Variants in TMEM232 observed in about 807,000 individuals in gnomAD.
The protein encoded by TMEM232 is transmembrane protein 232.
In TMEM232, 80 loss-of-function variants were observed where a neutral mutation model predicts 78.8. The observed-to-expected ratio is 1.01, with a 90% CI of 0.85 to 1.22. The LOEUF (loss-of-function observed/expected upper bound fraction) is 1.22. Among genes scored for constraint, TMEM232 ranks in the 50% most tolerant of loss-of-function variants. The pLI is 0.00. For missense variants in TMEM232, 881 were observed against 742.2 expected, an observed-to-expected ratio of 1.19 and a Z score of -2.17; for synonymous variants, 297 against 254.3, an observed-to-expected ratio of 1.17 and a Z score of -1.60.
intron 12 of TMEM232, among the ~76,000 whole-genome samples, chr5:110,469,952 G>GAGTC (rs1347687165): frequency 1.3e-5 from 2 of 152,092 alleles, no homozygotes; most frequent in African/African-American, 4.8e-5. Flanking sequence ...CCAAAGAGTG[G>GAGTC]AGTCATTACT....
intron 12 of TMEM232, among the ~76,000 whole-genome samples, chr5:110,503,357 A>AATTT (rs1439243822): frequency 1.3e-5 from 2 of 152,136 alleles, no homozygotes; most frequent in African/African-American, 4.8e-5. Flanking sequence ...TCCAAGAATG[A>AATTT]ATTTTCAATT....
intron 2 of TMEM232, among the ~76,000 whole-genome samples, chr5:110,403,756 A>G (rs937688581): frequency 8.5e-5 from 13 of 152,112 alleles, no homozygotes; most frequent in Admixed American, 3.3e-4. Flanking sequence ...GTAAGCCAGA[A>G]ATATTCAGTA....
chr5:110,391,347 G>GAGAA (rs752486137), intron 3 of TMEM232, among the ~76,000 whole-genome samples: 3,466 of 150,162 alleles, frequency 0.023, 47 homozygotes, highest in African/African-American at 0.034. Context: ...GAGAGAGAGA[G>GAGAA]AAACCTCTGT....
chr5:110,562,138 C>G lies in TMEM232; in HGVS notation c.1455+6309G>C, dbSNP rs115739853. The stretch of plus-strand genomic sequence containing the variant: ...AGTCGTACACTTAAGTTTTACCCAA[C>G]ATGAATTACCAAACAAATAAATTCA... On this transcript the variant is annotated intron_variant, in intron 11 of 13. Coordinates refer to ENST00000455884, the MANE Select transcript of TMEM232 (RefSeq NM_001039763.4). Among the ~76,000 whole-genome samples, 519 of 152,220 alleles carry G rather than the reference C, an allele frequency of 3.4e-3. 4 individuals carry two copies. Among genetic ancestry groups the G allele is most frequent in the African/African-American group, 0.012 (496 of 41,556 alleles).
chr5:110,683,988 A>C (rs1256646572), intron 1 of TMEM232, among the ~76,000 whole-genome samples: 1 of 152,046 alleles, frequency 6.6e-6, no homozygotes. Context: ...CCAAAGAATA[A>C]TTCCATTAAA....
chr5:110,400,632 T>C (rs1202824501), intron 2 of TMEM232, among the ~76,000 whole-genome samples: 1 of 152,134 alleles, frequency 6.6e-6, no homozygotes, highest in African/African-American at 2.4e-5. Context: ...CCAAATTAAT[T>C]ACGTTCATTG....
chr5:110,646,262 T>TAGCC (rs2150038346), intron 2 of TMEM232, among the ~76,000 whole-genome samples: 1 of 151,886 alleles, frequency 6.6e-6, no homozygotes, highest in South Asian at 2.1e-4. Flanking sequence ...AGACCTTGAA[T>TAGCC]AGCCAAAACA....
At chr5:110,413,049 G>A (rs376694240) in intron 2 of TMEM232, among the ~76,000 whole-genome samples, 1 of 152,188 alleles carries the variant, frequency 6.6e-6, no homozygotes, top group East Asian at 1.9e-4. Context: ...AGGATGCAAC[G>A]TATTGTTCCT....
upstream of TMEM232, among the ~76,000 whole-genome samples, chr5:110,728,935 A>T (rs1300355100): frequency 4.7e-5 from 7 of 150,376 alleles, no homozygotes; most frequent in African/African-American, 1.7e-4. Flanking sequence ...CCCAGGCTGG[A>T]GTGCAATGGA....
At chr5:110,647,946 T>G (rs575051109) in intron 2 of TMEM232, among the ~76,000 whole-genome samples, 1 of 152,120 alleles carries the variant, frequency 6.6e-6, no homozygotes, top group South Asian at 2.1e-4. Flanking sequence ...TTTATTACTA[T>G]AAGACTGTGT....
intron 12 of TMEM232, among the ~76,000 whole-genome samples, chr5:110,522,201 T>C (rs2149503035): frequency 6.6e-6 from 1 of 152,310 alleles, no homozygotes; most frequent in South Asian, 2.1e-4. Context: ...GTAACTGTTT[T>C]CCTAATTTAT....
chr5:110,443,006 C>A (rs1207863358), intron 12 of TMEM232, among the ~76,000 whole-genome samples: 1 of 152,160 alleles, frequency 6.6e-6, no homozygotes, highest in African/African-American at 2.4e-5. Context: ...GTGTTCACCA[C>A]CACTGGGACT....
At chr5:110,392,872 G>C (rs1329237810) in intron 3 of TMEM232, among the ~76,000 whole-genome samples, 4 of 152,104 alleles carry the variant, frequency 2.6e-5, no homozygotes, top group Non-Finnish European at 5.9e-5. Flanking sequence ...TCTATATCTA[G>C]GAGAGATATT....
upstream of TMEM232, among the ~76,000 whole-genome samples, chr5:110,728,484 A>G (rs748813830): frequency 2.0e-5 from 3 of 151,762 alleles, no homozygotes; most frequent in South Asian, 2.1e-4. Context: ...TAAAACAGGA[A>G]ATAATTTTAA....
chr5:110,420,667 G>T lies in TMEM232; in HGVS notation c.1887C>A (p.His629Gln), dbSNP rs1198035381. Residue 629 changes from histidine to glutamine, a missense_variant, in exon 14 of 14, where the codon CAC becomes CAA. His to Gln is a conservative substitution (Grantham distance 24). Transcript: ENST00000455884. ...LKDKKLAEKNHFQEVMKKREE... is the reference protein window; with the variant it reads ...LKDKKLAEKNQFQEVMKKREE... Reference sequence around the variant, plus strand: ...CTCTTTTCTTCATAACTTCTTGAAAGTGATTTTTCTCTGCTAACTTTTTAT... The same window carrying T: ...CTCTTTTCTTCATAACTTCTTGAAATTGATTTTTCTCTGCTAACTTTTTAT... The T allele has an allele frequency of 1.3e-6, 2 of 1,526,424 alleles. No individual in the cohort carries two copies. Among genetic ancestry groups the T allele is most frequent in the East Asian group, 5.0e-5 (2 of 40,180 alleles). The allele number at this position is 1,526,424 out of a possible 1,614,324, so 94.6% of individuals were successfully genotyped here. A position where few individuals can be genotyped will look rare whatever the true frequency, so the allele number is the denominator to read the frequency against.
At chr5:110,615,938 G>A (rs1209066760) in intron 8 of TMEM232, among the ~76,000 whole-genome samples, 1 of 151,808 alleles carries the variant, frequency 6.6e-6, no homozygotes, top group Non-Finnish European at 1.5e-5. Flanking sequence ...GCAATTAAGT[G>A]GGAAGATATT....
At chr5:110,587,691 A>ATATATATGTG (rs1209205049) in intron 10 of TMEM232, among the ~76,000 whole-genome samples, 99 of 63,106 alleles carry the variant, frequency 1.6e-3, no homozygotes, top group Non-Finnish European at 2.0e-3. Flanking sequence ...ATATATATAT[A>ATATATATGTG]TGTGTGTGTG....
rs141289887 is a variant in TMEM232 at position 110,601,731 on chromosome 5, T to C, written c.1276+3378A>G. ...AATGGCAATACTGCCCAAATTAATT[T>C]ATAGATTCAATACTATTCCCATCAA... is the stretch of plus-strand genomic sequence containing the variant. On this transcript the variant is annotated intron_variant, in intron 10 of 13. Transcript: ENST00000455884. 6.8e-3 allele frequency among the ~76,000 whole-genome samples: 1,031 copies of C among 152,296 alleles called. 5 individuals are homozygous for C. The highest frequency in any genetic ancestry group is 0.013 in the Admixed American group (201 of 15,290).
intron 11 of TMEM232, among the ~76,000 whole-genome samples, chr5:110,532,063 C>A (rs899532405): frequency 6.6e-6 from 1 of 152,304 alleles, no homozygotes; most frequent in East Asian, 1.9e-4. Flanking sequence ...AACGCCTGAA[C>A]TGCAGCGGCC....
Sources: gnomAD v4.1 joint callset for allele counts (sites outside exome capture counted in the v4.1 genomes callset) on GRCh38, gnomAD v4.1.1 for gene constraint, MANE v1.5 for transcripts, NCBI Gene and HGNC (gene_info 2026-07-23, HGNC 2026-07-21) for gene names.